Variants in PRELID2 observed in about 807,000 individuals in gnomAD.
The protein encoded by PRELID2 is PRELI domain containing 2, also known as PRELI domain-containing protein 2.
In PRELID2, 25 loss-of-function variants were observed where a neutral mutation model predicts 28.4. That is an observed-to-expected ratio of 0.88 (90% CI 0.64 to 1.23). The LOEUF (loss-of-function observed/expected upper bound fraction) is 1.23, where lower values mean the gene tolerates loss of function less well. Ranked by LOEUF, PRELID2 falls within the 50% of genes most tolerant of loss-of-function variation. The pLI is 0.00. For synonymous variants in PRELID2, 76 were observed against 71.6 expected (o/e 1.06, Z -0.31); for missense variants, 201 against 214.4 (o/e 0.94, Z 0.39).
At chr5:145,408,691 G>C in the PRELID2 span, among the ~76,000 whole-genome samples, 1 of 151,876 alleles carries the variant, frequency 6.6e-6, no homozygotes, top group Non-Finnish European at 1.5e-5. Context: ...TTGTAAAAAT[G>C]AACAAAGCCT....
chr5:145,282,972 A>C, the PRELID2 span, among the ~76,000 whole-genome samples: 1 of 152,186 alleles, frequency 6.6e-6, no homozygotes, highest in South Asian at 2.1e-4. Context: ...GTTAAGAATA[A>C]GTTTCCAAAT....
At chr5:145,520,160 G>C (rs1752551894) in intron 1 of PRELID2, among the ~76,000 whole-genome samples, 1 of 152,106 alleles carries the variant, frequency 6.6e-6, no homozygotes, top group Admixed American at 6.6e-5. Context: ...GCTAAACCAA[G>C]ACTATGTTAT....
chr5:145,322,343 T>C, the PRELID2 span, among the ~76,000 whole-genome samples: 5 of 152,228 alleles, frequency 3.3e-5, no homozygotes, highest in Non-Finnish European at 7.3e-5. Context: ...GCTTCAGCTC[T>C]CCACACTGAA....
chr5:145,667,249 C>A (rs763563213), intron 1 of PRELID2, among the ~76,000 whole-genome samples: 19 of 151,990 alleles, frequency 1.3e-4, no homozygotes, highest in Non-Finnish European at 2.4e-4. Flanking sequence ...CCCAAAGTCT[C>A]CCATTCTGTG....
chr5:145,433,048 A>C, the PRELID2 span, among the ~76,000 whole-genome samples: 27 of 152,212 alleles, frequency 1.8e-4, no homozygotes, highest in African/African-American at 6.5e-4. Context: ...TCAGCACTCC[A>C]CCAAGACATT....
At chr5:145,256,326 A>G in the PRELID2 span, among the ~76,000 whole-genome samples, 1 of 151,664 alleles carries the variant, frequency 6.6e-6, no homozygotes, top group Non-Finnish European at 1.5e-5. Context: ...TTTTTTTTAA[A>G]TCTTTGTCAT....
chr5:145,246,235 G>T, the PRELID2 span, among the ~76,000 whole-genome samples: 1 of 152,180 alleles, frequency 6.6e-6, no homozygotes, highest in South Asian at 2.1e-4. Flanking sequence ...GTAATAGAGA[G>T]TATAGCTTCT....
At chr5:145,233,993 C>A in the PRELID2 span, among the ~76,000 whole-genome samples, 52 of 152,224 alleles carry the variant, frequency 3.4e-4, 2 homozygotes, top group East Asian at 9.9e-3. Flanking sequence ...GTTTATGCTA[C>A]TTTTCTACAA....
chr5:145,686,621 C>T (rs762974627), intron 1 of PRELID2, among the ~76,000 whole-genome samples: 21 of 152,148 alleles, frequency 1.4e-4, no homozygotes, highest in Non-Finnish European at 2.6e-4. Context: ...TTTAAAACAA[C>T]ATCTGGACAA....
intron 5 of PRELID2, among the ~76,000 whole-genome samples, chr5:145,776,155 T>TA (rs770600387): frequency 9.2e-5 from 14 of 152,112 alleles, no homozygotes; most frequent in Non-Finnish European, 1.9e-4. Context: ...ATTCCAGAAA[T>TA]AAAAAATTCA....
chr5:145,615,872 G>C (rs1753691643), intron 1 of PRELID2, among the ~76,000 whole-genome samples: 1 of 152,140 alleles, frequency 6.6e-6, no homozygotes, highest in African/African-American at 2.4e-5. Context: ...GATTTTATCT[G>C]CTTCCAGGAT....
chr5:145,607,954 T>C (rs769417684), intron 1 of PRELID2, among the ~76,000 whole-genome samples: 13 of 152,188 alleles, frequency 8.5e-5, no homozygotes, highest in Non-Finnish European at 1.6e-4. Context: ...GTATTCAGAA[T>C]AGTTAGGTCT....
chr5:145,434,623 C>G, the PRELID2 span, among the ~76,000 whole-genome samples: 3 of 152,038 alleles, frequency 2.0e-5, no homozygotes, highest in African/African-American at 7.2e-5. Context: ...ATATAGCAAG[C>G]AATGAAAGAG....
intron 1 of PRELID2, among the ~76,000 whole-genome samples, chr5:145,634,025 GC>G (rs1264213404): frequency 6.6e-6 from 1 of 152,098 alleles, no homozygotes; most frequent in African/African-American, 2.4e-5. Context: ...AGCCCCATGT[GC>G]CCCAGCTCCC....
chr5:145,271,987 T>C, the PRELID2 span, among the ~76,000 whole-genome samples: 1 of 152,164 alleles, frequency 6.6e-6, no homozygotes, highest in Non-Finnish European at 1.5e-5. Context: ...GCATTAAATC[T>C]CTCTGGTGGC....
At chr5:145,317,250 A>T in the PRELID2 span, among the ~76,000 whole-genome samples, 3 of 152,212 alleles carry the variant, frequency 2.0e-5, no homozygotes, top group Non-Finnish European at 4.4e-5. Context: ...GAACCACGGA[A>T]CCAGGGGTTA....
intron 5 of PRELID2, among the ~76,000 whole-genome samples, chr5:145,772,856 A>C (rs796548510): frequency 4.6e-5 from 7 of 152,364 alleles, no homozygotes; most frequent in African/African-American, 1.7e-4. Context: ...ATGAATCTTA[A>C]TATATGAATC....
intron 1 of PRELID2, among the ~76,000 whole-genome samples, chr5:145,549,570 G>A (rs1033094767): frequency 6.6e-6 from 1 of 152,058 alleles, no homozygotes; most frequent in Non-Finnish European, 1.5e-5. Context: ...CGAGGCGGAC[G>A]GAGCACGAGG....
chr5:145,302,830 G>T, the PRELID2 span, among the ~76,000 whole-genome samples: 1 of 152,026 alleles, frequency 6.6e-6, no homozygotes, highest in Non-Finnish European at 1.5e-5. Context: ...CAGTAGTAAA[G>T]GTTCTAATAG....
Sources: allele counts gnomAD v4.1 joint callset (sites outside exome capture counted in the v4.1 genomes callset), GRCh38; gene constraint gnomAD v4.1.1; transcripts MANE v1.5; gene names NCBI Gene and HGNC (gene_info 2026-07-23, HGNC 2026-07-21).